FSTL5: variants seen among roughly 807,000 people sequenced by gnomAD.
FSTL5 encodes follistatin like 5.
Under a neutral mutation model 89.1 loss-of-function variants are expected in FSTL5, and 62 were observed. The observed-to-expected ratio is 0.70, with a 90% CI of 0.57 to 0.86. The LOEUF is 0.86. Among genes scored for constraint, FSTL5 ranks in the 40% least tolerant of loss-of-function variants. The pLI, the probability that FSTL5 is intolerant of heterozygous loss-of-function variation, is 0.00. For missense variants in FSTL5, 1,057 were observed against 1,001.6 expected (o/e 1.06, Z -0.75); for synonymous variants, 383 against 346.2 (o/e 1.11, Z -1.18).
intron 7 of FSTL5, among the ~76,000 whole-genome samples, chr4:161,651,948 C>A (rs1736357052): frequency 6.6e-6 from 1 of 152,092 alleles, no homozygotes; most frequent in Admixed American, 6.5e-5. Flanking sequence ...CACAGTAAAG[C>A]AAATCTAGCT....
chr4:161,440,375 A>T (rs1382996910), intron 15 of FSTL5, among the ~76,000 whole-genome samples: 1 of 152,020 alleles, frequency 6.6e-6, no homozygotes, highest in Non-Finnish European at 1.5e-5. Flanking sequence ...CCTGGGGCAC[A>T]CATAAAATAC....
chr4:162,141,531 T>A (rs1732746247), intron 1 of FSTL5, among the ~76,000 whole-genome samples: 1 of 152,222 alleles, frequency 6.6e-6, no homozygotes, highest in African/African-American at 2.4e-5. Context: ...AGCACCATGC[T>A]TCTTGTACAG....
At chr4:161,573,681 C>T (rs564648581) in intron 8 of FSTL5, among the ~76,000 whole-genome samples, 11 of 132,758 alleles carry the variant, frequency 8.3e-5, no homozygotes, top group Non-Finnish European at 1.4e-4. Flanking sequence ...TGTGGTGAGC[C>T]GAGATTGCAC....
intron 4 of FSTL5, among the ~76,000 whole-genome samples, chr4:161,803,171 C>T (rs1383636814): frequency 6.6e-6 from 1 of 151,802 alleles, no homozygotes; most frequent in East Asian, 1.9e-4. Flanking sequence ...GTATCACTGG[C>T]TTTGTGATTT....
chr4:161,946,291 C>T (rs1025669181), intron 3 of FSTL5, among the ~76,000 whole-genome samples: 4 of 152,080 alleles, frequency 2.6e-5, no homozygotes, highest in African/African-American at 4.8e-5. Context: ...AATTGCTGTC[C>T]TTCTCCCACC....
intron 3 of FSTL5, among the ~76,000 whole-genome samples, chr4:161,930,178 T>C (rs1239826514): frequency 6.6e-6 from 1 of 151,832 alleles, no homozygotes; most frequent in Non-Finnish European, 1.5e-5. Flanking sequence ...ACTCCCACAG[T>C]GTCTGATCTG....
At chr4:161,944,238 TA>T (rs1294127226) in intron 3 of FSTL5, among the ~76,000 whole-genome samples, 1 of 152,138 alleles carries the variant, frequency 6.6e-6, no homozygotes, top group African/African-American at 2.4e-5. Context: ...TTCTAGCATT[TA>T]AATATAGTTA....
intron 4 of FSTL5, among the ~76,000 whole-genome samples, chr4:161,834,117 C>G (rs1730947378): frequency 6.6e-6 from 1 of 152,116 alleles, no homozygotes; most frequent in African/African-American, 2.4e-5. Context: ...ATCAAGTGGG[C>G]TTCATCCCTG....
At chr4:161,505,700 T>A (rs1432815077) in intron 11 of FSTL5, among the ~76,000 whole-genome samples, 1 of 152,198 alleles carries the variant, frequency 6.6e-6, no homozygotes, top group African/African-American at 2.4e-5. Context: ...CATATGTGTA[T>A]CACACATGCA....
intron 1 of FSTL5, among the ~76,000 whole-genome samples, chr4:162,148,305 A>G (rs1733079688): frequency 1.3e-5 from 2 of 152,214 alleles, no homozygotes; most frequent in South Asian, 4.1e-4. Flanking sequence ...AAAATGGCTG[A>G]ACACAATCCA....
At chr4:161,459,813 T>C (rs971018036) in intron 13 of FSTL5, among the ~76,000 whole-genome samples, 7 of 152,134 alleles carry the variant, frequency 4.6e-5, no homozygotes, top group African/African-American at 1.4e-4. Context: ...ATCTGATATA[T>C]GGCTGTAATT....
At chr4:161,713,556 G>A (rs190411977) in intron 6 of FSTL5, among the ~76,000 whole-genome samples, 4 of 152,118 alleles carry the variant, frequency 2.6e-5, no homozygotes, top group African/African-American at 4.8e-5. Context: ...TGTTTTCAGC[G>A]TGCAAAAACA....
At chr4:161,868,799 C>T (rs1579155570) in intron 4 of FSTL5, among the ~76,000 whole-genome samples, 1 of 152,162 alleles carries the variant, frequency 6.6e-6, no homozygotes, top group East Asian at 1.9e-4. Flanking sequence ...TGTTCCAGGC[C>T]ATTCTTATTC....
At chr4:161,529,508 C>T (rs10001523) in intron 10 of FSTL5, among the ~76,000 whole-genome samples, 4,451 of 141,964 alleles carry the variant, frequency 0.031, 611 homozygotes, top group African/African-American at 0.1. Context: ...CATTTTATTT[C>T]ATAATAACCT....
chr4:162,112,971 G>A (rs1253265935), intron 1 of FSTL5, among the ~76,000 whole-genome samples: 1 of 152,070 alleles, frequency 6.6e-6, no homozygotes, highest in African/African-American at 2.4e-5. Context: ...AAACTCCTCA[G>A]TCCTTTAGTA....
intron 3 of FSTL5, among the ~76,000 whole-genome samples, chr4:162,013,616 C>A (rs184025555): frequency 1.1e-3 from 162 of 152,268 alleles, no homozygotes; most frequent in Non-Finnish European, 2.1e-3. Flanking sequence ...TAAGATTATT[C>A]TTCTCTGCCT....
chr4:161,715,105 AAC>A (rs1738930714), intron 6 of FSTL5, among the ~76,000 whole-genome samples: 1 of 152,174 alleles, frequency 6.6e-6, no homozygotes, highest in African/African-American at 2.4e-5. Flanking sequence ...TATGATGAGA[AAC>A]ACATGTTTTA....
chr4:161,830,846 A>C (rs1314191623), intron 4 of FSTL5, among the ~76,000 whole-genome samples: 4 of 152,004 alleles, frequency 2.6e-5, no homozygotes, highest in Admixed American at 2.0e-4. Flanking sequence ...TATGCTAAAA[A>C]AAATTGGGGT....
intron 3 of FSTL5, among the ~76,000 whole-genome samples, chr4:161,976,034 C>T (rs1735633832): frequency 6.8e-6 from 1 of 145,994 alleles, no homozygotes; most frequent in South Asian, 2.2e-4. Flanking sequence ...AGGAGAATCG[C>T]GTGAACTCGG....
Sources: gnomAD v4.1 joint callset for allele counts (sites outside exome capture counted in the v4.1 genomes callset) on GRCh38, gnomAD v4.1.1 for gene constraint, MANE v1.5 for transcripts, NCBI Gene and HGNC (gene_info 2026-07-23, HGNC 2026-07-21) for gene names.